Variants in RPUSD4 observed in about 807,000 individuals in gnomAD.
RPUSD4 encodes the protein RNA pseudouridine synthase D4.
Under a neutral mutation model 35.4 loss-of-function variants are expected in RPUSD4, and 37 were observed. That is an observed-to-expected ratio of 1.04 (90% CI 0.80 to 1.37). The LOEUF (loss-of-function observed/expected upper bound fraction) is 1.37. Ranked by LOEUF, RPUSD4 falls within the 40% of genes most tolerant of loss-of-function variation. The pLI, the probability that RPUSD4 is intolerant of heterozygous loss-of-function variation, is 0.00. For missense variants in RPUSD4, 507 were observed against 484.9 expected, an observed-to-expected ratio of 1.05 and a Z score of -0.43; for synonymous variants, 210 against 192.7, an observed-to-expected ratio of 1.09 and a Z score of -0.74.
In RPUSD4 at chr11:126,203,344, C is replaced by A; in HGVS notation, c.*74G>T. On this transcript the variant is annotated 3_prime_UTR_variant, in exon 7 of 7. Coordinates refer to ENST00000298317, the MANE Select transcript of RPUSD4 (RefSeq NM_032795.3). ...AAACAAAGAACAGTTCAGGGGCCAACCTGCGCTCCCAGGTGCCAGGATGCT... is the reference window on the plus strand; with the variant it reads ...AAACAAAGAACAGTTCAGGGGCCAAACTGCGCTCCCAGGTGCCAGGATGCT... 1.3e-6 allele frequency: 2 copies of A among 1,575,272 alleles called. No individual in the cohort carries two copies. Among genetic ancestry groups the A allele is most frequent in the South Asian group, 1.1e-5 (1 of 87,110 alleles).
chr11:126,203,220 T>C lies in RPUSD4; in HGVS notation c.*198A>G, dbSNP rs986816957. 1 of 690,402 alleles carries C rather than the reference T, an allele frequency of 1.4e-6. No homozygotes were observed. Among genetic ancestry groups the C allele is most frequent in the Non-Finnish European group, 2.4e-6 (1 of 424,488 alleles). The allele number at this position is 690,402 out of a possible 1,614,324, so 42.8% of individuals were successfully genotyped here. A position where few individuals can be genotyped will look rare whatever the true frequency, so the allele number is the denominator to read the frequency against. On this transcript the variant is annotated 3_prime_UTR_variant, in exon 7 of 7. Transcript: ENST00000298317. ...AGCCAAACTATCAGTAAATAGACTT[T>C]GTTCTCCATTAAAAGCCCTGTAGCA... is the stretch of plus-strand genomic sequence containing the variant.
chr11:126,209,451 T>C, intron 3 of RPUSD4, 70 bp downstream of exon 3: 2 of 1,365,990 alleles, frequency 1.5e-6, no homozygotes, highest in South Asian at 2.5e-5. Flanking sequence ...GTTTCTGTTT[T>C]TAATGAATAA....
intron 3 of RPUSD4, among the ~76,000 whole-genome samples, chr11:126,207,679 ATC>A (rs887186231): frequency 2.3e-4 from 35 of 152,174 alleles, no homozygotes; most frequent in African/African-American, 8.4e-4. Context: ...CTGAAACCCC[ATC>A]TCTACTAAAA....
chr11:126,205,944 C>G, intron 3 of RPUSD4, 163 bp from the exon 4 acceptor site: 1 of 513,958 alleles, frequency 1.9e-6, no homozygotes, highest in Non-Finnish European at 3.4e-6. Context: ...AGCCTGAGAG[C>G]TGATAGATTT....
intron 3 of RPUSD4, 111 bp downstream of exon 3, chr11:126,209,410 G>C: frequency 1.2e-6 from 1 of 858,600 alleles, no homozygotes; most frequent in East Asian, 2.5e-5. Context: ...CAATCTCGCA[G>C]GTCATAGTGC....
chr11:126,205,460 ACT>A lies in RPUSD4; in HGVS notation c.796+6_796+7del. ...TGTGATCCCACTGCGGAAAAGTGACACTCTCACCAGTGATGGGCTGGAGCTCC... is the reference window on the plus strand; with the variant it reads ...TGTGATCCCACTGCGGAAAAGTGACACTCACCAGTGATGGGCTGGAGCTCC... On this transcript the variant is annotated splice_donor_region_variant and intron_variant, in intron 5 of 6. Transcript: ENST00000298317. 6.2e-7 allele frequency: 1 copy of A among 1,614,008 alleles called. No homozygotes were observed. The highest frequency in any genetic ancestry group is 8.5e-7 in the Non-Finnish European group (1 of 1,179,946).
chr11:126,203,870 CTT>C (rs1414700679), intron 6 of RPUSD4, among the ~76,000 whole-genome samples: 1 of 152,090 alleles, frequency 6.6e-6, no homozygotes, highest in Non-Finnish European at 1.5e-5. Flanking sequence ...TTGGCCAGTG[CTT>C]TTTGGCCTAA....
At position 126,203,688 on chromosome 11, in the gene RPUSD4, C is replaced by A; in HGVS notation, c.895-31G>T. 2.5e-6 allele frequency: 4 copies of A among 1,594,384 alleles called. No individual in the cohort carries two copies. In the South Asian group the frequency reaches 4.5e-5, roughly 18 times the overall value. Reference sequence around the variant, plus strand: ...CAAAGAAAGGACAGACCCTTGAGAGCAAGGCCAACAGTCCACCCTTGACGA... The same window carrying A: ...CAAAGAAAGGACAGACCCTTGAGAGAAAGGCCAACAGTCCACCCTTGACGA... On this transcript the variant is annotated intron_variant, in intron 6 of 6. Transcript: ENST00000298317.
At chr11:126,204,191 T>G in intron 6 of RPUSD4, 40 bp downstream of exon 6, 1 of 1,386,672 alleles carries the variant, frequency 7.2e-7, no homozygotes, top group Non-Finnish European at 1.0e-6. Context: ...GCCTAAGTTC[T>G]CTCCCGTATC....
chr11:126,205,938 T>C (rs934104696), intron 3 of RPUSD4, 157 bp from the exon 4 acceptor site: 5 of 524,526 alleles, frequency 9.5e-6, no homozygotes, highest in Non-Finnish European at 1.7e-5. Context: ...ATGCTTAGCC[T>C]GAGAGCTGAT....
chr11:126,205,490 G>C lies in RPUSD4; in HGVS notation c.774C>G (p.Leu258=), dbSNP rs372278220. ...QVLSSTLSSA[L]VELQPITGIK... The stretch of plus-strand genomic sequence containing the variant: ...CACCAGTGATGGGCTGGAGCTCCAC[G>C]AGGGCGGAGGAGAGAGTGCTGCTGA... The change falls in exon 5 of 7, where the codon CTC becomes CTG. Residue 258 remains leucine (L), a synonymous_variant. Transcript: ENST00000298317. 2 of 1,614,272 alleles carry C rather than the reference G, an allele frequency of 1.2e-6. No individual in the cohort carries two copies. Among genetic ancestry groups the C allele is most frequent in the Non-Finnish European group, 1.7e-6 (2 of 1,180,046 alleles).
In RPUSD4 at chr11:126,211,618, G is replaced by A. The variant is rs373619961; in HGVS notation, c.21C>T (p.Ser7=). The change falls in exon 1 of 7, where the codon AGC becomes AGT. Residue 7 remains serine (S), a synonymous_variant. Transcript: ENST00000298317. MAAPRW[S]ASGPWIRGNG... is the part of the protein sequence containing the mutation. ...TTCCCCGGATCCAGGGGCCCGACGC[G>A]CTCCACCTGGGCGCCGCCATCTTAC... is the stretch of plus-strand genomic sequence containing the variant. The A allele has an allele frequency of 3.1e-6, 5 of 1,613,254 alleles. No individual in the cohort carries two copies. In the African/African-American group the frequency reaches 4.0e-5, roughly 13 times the overall value.
intron 2 of RPUSD4, among the ~76,000 whole-genome samples, chr11:126,209,944 A>C (rs61703629): frequency 1.3e-5 from 2 of 152,344 alleles, no homozygotes; most frequent in African/African-American, 4.8e-5. Flanking sequence ...TGCATTTTAC[A>C]AGCTGCCCAA....
At position 126,209,539 on chromosome 11, in the gene RPUSD4, T is replaced by C. The variant is rs1234972110; in HGVS notation, c.539A>G (p.Gln180Arg). 2 of 1,614,256 alleles carry C rather than the reference T, an allele frequency of 1.2e-6. No homozygotes were observed. Among genetic ancestry groups the C allele is most frequent in the African/African-American group, 1.3e-5 (1 of 75,066 alleles). The part of the protein sequence containing the change: ...HQVQELFRTR[Q>R]VVKKYWAITV... The stretch of plus-strand genomic sequence containing the variant: ...CTCATACCAGTACTTCTTCACCACC[T>C]GACGGGTTCTAAACAACTCTTGGAC... Residue 180 changes from glutamine to arginine, a missense_variant, in exon 3 of 7, where the codon CAG becomes CGG. Transcript: ENST00000298317.
At position 126,211,063 on chromosome 11, in the gene RPUSD4, G is replaced by A. The variant is rs1445565708; in HGVS notation, c.190-8C>T. 6.2e-7 allele frequency: 1 copy of A among 1,608,920 alleles called. No homozygotes were observed. Among genetic ancestry groups the A allele is most frequent in the Non-Finnish European group, 8.5e-7 (1 of 1,179,490 alleles). On this transcript the variant is annotated splice_polypyrimidine_tract_variant and splice_region_variant and intron_variant, in intron 1 of 6. Transcript: ENST00000298317. ...AACAGCGTTTGTGGACACCTAGGGA[G>A]AAAGAAGGAGCCGTGGGGAATGCCT...
chr11:126,211,568 A>G lies in RPUSD4; in HGVS notation c.71T>C (p.Phe24Ser), dbSNP rs1291570531. The G allele has an allele frequency of 6.8e-6, 11 of 1,614,086 alleles. No homozygotes were observed. Among genetic ancestry groups the G allele is most frequent in the Non-Finnish European group, 9.3e-6 (11 of 1,180,044 alleles). ...RGNGQGCGSL[F>S]TLVSKPFCAA... Reference sequence around the variant, plus strand: ...ACAAAATGGCTTTGAGACGAGAGTGAAGAGACTCCCGCAACCTTGGCCGTT... The same window carrying G: ...ACAAAATGGCTTTGAGACGAGAGTGGAGAGACTCCCGCAACCTTGGCCGTT... Residue 24 changes from phenylalanine to serine, a missense_variant, in exon 1 of 7, where the codon TTC (phenylalanine) becomes TCC (serine). By Grantham distance (155) the Phe-to-Ser change is radical (BLOSUM62 -2). Coordinates refer to ENST00000298317, the MANE Select transcript of RPUSD4 (RefSeq NM_032795.3).
At chr11:126,209,288 C>T (rs1296001398) in intron 3 of RPUSD4, 10 of 486,982 alleles carry the variant, frequency 2.1e-5, no homozygotes, top group African/African-American at 1.8e-4. Context: ...ACCATGTCCA[C>T]CCCATGCTTG....
Position 126,203,421 on chromosome 11 carries a change from C to A in RPUSD4, c.1131G>T (p.Gln377His). Reference protein sequence around the residue: ...ENNEAKCLGAQ With the variant: ...ENNEAKCLGAH ...TGCCAGGGTGCTCCCATGGTCTTCA[C>A]TGTGCTCCCAGACACTTGGCTTCAT... The change falls in exon 7 of 7, where the codon CAG becomes CAT. Residue 377 changes from glutamine (Q) to histidine (H), a missense_variant. Physicochemically the swap from Gln to His is conservative, Grantham distance 24. Coordinates refer to ENST00000298317, the MANE Select transcript of RPUSD4 (RefSeq NM_032795.3). The A allele has an allele frequency of 6.2e-7, 1 of 1,612,522 alleles. No individual in the cohort carries two copies. Among genetic ancestry groups the A allele is most frequent in the Non-Finnish European group, 8.5e-7 (1 of 1,179,944 alleles).
Position 126,211,070 on chromosome 11 carries a change from G to A in RPUSD4, c.190-15C>T. 2 of 1,607,128 alleles carry A rather than the reference G, an allele frequency of 1.2e-6. No individual in the cohort carries two copies. Among genetic ancestry groups the A allele is most frequent in the Non-Finnish European group, 8.5e-7 (1 of 1,178,940 alleles). On this transcript the variant is annotated splice_polypyrimidine_tract_variant and intron_variant, in intron 1 of 6. Coordinates refer to ENST00000298317, the MANE Select transcript of RPUSD4 (RefSeq NM_032795.3). ...TTTGTGGACACCTAGGGAGAAAGAAGGAGCCGTGGGGAATGCCTGGTGCGG... is the reference window on the plus strand; with the variant it reads ...TTTGTGGACACCTAGGGAGAAAGAAAGAGCCGTGGGGAATGCCTGGTGCGG...
Sources: gnomAD v4.1 joint callset for allele counts (sites outside exome capture counted in the v4.1 genomes callset) on GRCh38, gnomAD v4.1.1 for gene constraint, MANE v1.5 for transcripts, NCBI Gene and HGNC (gene_info 2026-07-23, HGNC 2026-07-21) for gene names.